TENM3: variants seen among roughly 807,000 people sequenced by gnomAD.
The protein encoded by TENM3 is teneurin-3.
A neutral mutation model predicts 255.1 loss-of-function variants in TENM3; 63 were observed. The ratio of observed to expected loss-of-function variants is 0.25; its 90% CI spans 0.20 to 0.30. TENM3 has a LOEUF of 0.30. Among genes scored for constraint, TENM3 ranks in the 10% least tolerant of loss-of-function variants. The probability of loss-of-function intolerance (pLI) is 1.00; values close to 1 mark genes in which losing one functional copy is unlikely to be tolerated. For missense variants in TENM3, 2,929 were observed against 3,461.1 expected, an observed-to-expected ratio of 0.85 and a Z score of 3.86; for synonymous variants, 1,306 against 1,322.3, an observed-to-expected ratio of 0.99 and a Z score of 0.27.
the TENM3 span, among the ~76,000 whole-genome samples, chr4:182,010,964 C>G: frequency 6.6e-6 from 1 of 152,240 alleles, no homozygotes; most frequent in African/African-American, 2.4e-5. Flanking sequence ...CAATTTCCCT[C>G]TAGCTTCTCA....
the TENM3 span, among the ~76,000 whole-genome samples, chr4:181,849,949 T>TCTCTCTCTCTCTCTCTCACACACA: frequency 2.0e-4 from 13 of 65,954 alleles, no homozygotes; most frequent in East Asian, 7.3e-4. Context: ...TCTCTCTCTC[T>TCTCTCTCTCTCTCTCTCACACACA]CACACACACA....
chr4:182,589,552 G>T (rs1746388827), intron 3 of TENM3, among the ~76,000 whole-genome samples: 1 of 143,786 alleles, frequency 7.0e-6, no homozygotes. Context: ...GCTGCTTTTT[G>T]TTTTGTCTGT....
intron 16 of TENM3, among the ~76,000 whole-genome samples, chr4:182,734,897 G>A (rs1761048722): frequency 6.6e-6 from 1 of 152,180 alleles, no homozygotes. Flanking sequence ...ATTCGTAAGA[G>A]AGTCCCTTAC....
chr4:181,610,996 T>G, the TENM3 span, among the ~76,000 whole-genome samples: 1 of 152,196 alleles, frequency 6.6e-6, no homozygotes, highest in Non-Finnish European at 1.5e-5. Flanking sequence ...ACCTCAAGTT[T>G]GTTAGTTCCA....
intron 12 of TENM3, among the ~76,000 whole-genome samples, chr4:182,712,250 G>A (rs1293238303): frequency 1.3e-5 from 2 of 152,058 alleles, no homozygotes; most frequent in Admixed American, 6.5e-5. Flanking sequence ...TTTTTCAGAA[G>A]AGAAAATTCC....
At chr4:182,192,504 C>A (rs2149792221) in intron 1 of TENM3, among the ~76,000 whole-genome samples, 1 of 152,252 alleles carries the variant, frequency 6.6e-6, no homozygotes, top group Non-Finnish European at 1.5e-5. Context: ...GAAATTTGTG[C>A]CTTTCATTAA....
At chr4:181,533,209 C>A in the TENM3 span, among the ~76,000 whole-genome samples, 2 of 152,054 alleles carry the variant, frequency 1.3e-5, no homozygotes, top group African/African-American at 4.8e-5. Flanking sequence ...TAAATGTAAC[C>A]CTTATGGTTT....
At chr4:181,526,085 T>C in the TENM3 span, among the ~76,000 whole-genome samples, 18 of 152,180 alleles carry the variant, frequency 1.2e-4, no homozygotes, top group Admixed American at 4.6e-4. Context: ...TCTAACAATT[T>C]CAAGGAAACA....
intron 3 of TENM3, among the ~76,000 whole-genome samples, chr4:182,557,308 G>T (rs1330318671): frequency 2.6e-5 from 4 of 152,146 alleles, no homozygotes; most frequent in African/African-American, 7.2e-5. Flanking sequence ...GTCCAACTCA[G>T]ATCACTCGTG....
At chr4:182,630,206 C>T (rs1008156667) in intron 5 of TENM3, among the ~76,000 whole-genome samples, 5 of 152,066 alleles carry the variant, frequency 3.3e-5, no homozygotes, top group African/African-American at 1.2e-4. Context: ...AAACCAGATA[C>T]TGAAGGGGTT....
chr4:181,785,953 T>C, the TENM3 span, among the ~76,000 whole-genome samples: 1 of 152,024 alleles, frequency 6.6e-6, no homozygotes, highest in Non-Finnish European at 1.5e-5. Flanking sequence ...CGCATATAAA[T>C]GAAACAATGC....
chr4:181,489,669 G>T, the TENM3 span, among the ~76,000 whole-genome samples: 6 of 152,136 alleles, frequency 3.9e-5, no homozygotes, highest in Non-Finnish European at 7.4e-5. Context: ...GCATGTGTGT[G>T]TATAAAATTA....
the TENM3 span, among the ~76,000 whole-genome samples, chr4:181,693,846 T>C: frequency 3.3e-5 from 5 of 152,174 alleles, no homozygotes; most frequent in African/African-American, 1.2e-4. Flanking sequence ...AGAGATCTGA[T>C]TGGCTGGTTA....
chr4:182,183,801 G>A (rs1343244627), intron 1 of TENM3, among the ~76,000 whole-genome samples: 1 of 152,006 alleles, frequency 6.6e-6, no homozygotes, highest in Non-Finnish European at 1.5e-5. Flanking sequence ...TTACATATTT[G>A]TTTTTTATTC....
At chr4:181,990,742 C>T in the TENM3 span, among the ~76,000 whole-genome samples, 2 of 152,066 alleles carry the variant, frequency 1.3e-5, no homozygotes, top group South Asian at 2.1e-4. Context: ...ACGCTCACAA[C>T]TAAAGGAGCC....
intron 3 of TENM3, among the ~76,000 whole-genome samples, chr4:182,495,771 C>T (rs192687173): frequency 2.6e-5 from 4 of 152,224 alleles, no homozygotes; most frequent in African/African-American, 9.6e-5. Context: ...ATTTTGAAAA[C>T]GGGATGTAAT....
chr4:181,553,494 T>A, the TENM3 span, among the ~76,000 whole-genome samples: 1 of 152,024 alleles, frequency 6.6e-6, no homozygotes, highest in Middle Eastern at 3.4e-3. Flanking sequence ...CAGGCTGGAG[T>A]GCAGGGGCGC....
chr4:181,484,558 A>G, the TENM3 span, among the ~76,000 whole-genome samples: 1 of 152,208 alleles, frequency 6.6e-6, no homozygotes, highest in Non-Finnish European at 1.5e-5. Flanking sequence ...TTTACTGCAT[A>G]GTAATTAGGG....
the TENM3 span, among the ~76,000 whole-genome samples, chr4:181,662,835 C>T: frequency 6.6e-6 from 1 of 152,140 alleles, no homozygotes; most frequent in Non-Finnish European, 1.5e-5. Flanking sequence ...TTTACCCTCT[C>T]CTATTTTTTA....
Sources: allele counts gnomAD v4.1 joint callset (sites outside exome capture counted in the v4.1 genomes callset), GRCh38; gene constraint gnomAD v4.1.1; transcripts MANE v1.5; gene names NCBI Gene and HGNC (gene_info 2026-07-23, HGNC 2026-07-21).